L3HYPDH: variants seen among roughly 807,000 people sequenced by gnomAD.
L3HYPDH encodes the protein trans-L-3-hydroxyproline dehydratase, also known as trans-3-hydroxy-L-proline dehydratase.
A neutral mutation model predicts 26.5 loss-of-function variants in L3HYPDH; 32 were observed. That is an observed-to-expected ratio of 1.21 (90% CI 0.91 to 1.62). The LOEUF (loss-of-function observed/expected upper bound fraction) is 1.62, where lower values mean the gene tolerates loss of function less well. Ranked by LOEUF, L3HYPDH falls within the 40% of genes most tolerant of loss-of-function variation. The probability of loss-of-function intolerance (pLI) is 0.00; values close to 1 mark genes in which losing one functional copy is unlikely to be tolerated. For missense variants in L3HYPDH, 554 were observed against 476.4 expected, an observed-to-expected ratio of 1.16 and a Z score of -1.52; for synonymous variants, 215 against 196.6, an observed-to-expected ratio of 1.09 and a Z score of -0.78.
At chr14:59,494,234 A>T in the L3HYPDH span, among the ~76,000 whole-genome samples, 3 of 151,274 alleles carry the variant, frequency 2.0e-5, no homozygotes, top group African/African-American at 7.3e-5. Context: ...TAAAATTTAG[A>T]ACATGTTTAT....
At position 59,476,225 on chromosome 14, in the gene L3HYPDH, CAAA is replaced by C; in HGVS notation, c.679-14_679-12del. 1 of 1,497,988 alleles carries C rather than the reference CAAA, an allele frequency of 6.7e-7. No homozygotes were observed. The highest frequency in any genetic ancestry group is 8.9e-7 in the Non-Finnish European group (1 of 1,125,276). The allele number at this position is 1,497,988 out of a possible 1,614,324, so 92.8% of individuals were successfully genotyped here. On this transcript the variant is annotated splice_polypyrimidine_tract_variant and intron_variant, in intron 2 of 4. Coordinates refer to ENST00000247194, the MANE Select transcript of L3HYPDH (RefSeq NM_144581.2). ...ATGATTAATTTTAAACTGCAAGTAACAAAAAAAGATCACATGCAAAATAAATAT... is the reference window on the plus strand; with the variant it reads ...ATGATTAATTTTAAACTGCAAGTAACAAAAGATCACATGCAAAATAAATAT...
At chr14:59,504,734 T>C in the L3HYPDH span, 1 of 152,952 alleles carries the variant, frequency 6.5e-6, no homozygotes, top group African/African-American at 2.4e-5. Context: ...CACTTAATTG[T>C]TGTTTGGCAC....
chr14:59,490,333 A>T, the L3HYPDH span, among the ~76,000 whole-genome samples: 1 of 152,156 alleles, frequency 6.6e-6, no homozygotes, highest in African/African-American at 2.4e-5. Flanking sequence ...CCATGACCCA[A>T]ATACTTCCCA....
the L3HYPDH span, among the ~76,000 whole-genome samples, chr14:59,501,686 CTG>C: frequency 6.6e-6 from 1 of 152,132 alleles, no homozygotes; most frequent in African/African-American, 2.4e-5. Flanking sequence ...CCATATCCTT[CTG>C]TGTTTTATCA....
chr14:59,501,388 A>C, the L3HYPDH span: 5 of 620,158 alleles, frequency 8.1e-6, no homozygotes, highest in Non-Finnish European at 1.4e-5. Flanking sequence ...TGGCTGATTG[A>C]TGCCACTTGG....
At chr14:59,473,194 G>T (rs1230244568) in intron 4 of L3HYPDH, 104 bp from the exon 5 acceptor site, 1 of 1,095,524 alleles carries the variant, frequency 9.1e-7, no homozygotes, top group Middle Eastern at 2.1e-4. Context: ...AAAGGCCAAG[G>T]GTTAATCCTA....
At chr14:59,501,336 CATATG>C in the L3HYPDH span, 1 of 944,400 alleles carries the variant, frequency 1.1e-6, no homozygotes. Flanking sequence ...CAGAATAGTC[CATATG>C]ATATGATATA....
At chr14:59,477,101 C>A (rs932425376) in intron 2 of L3HYPDH, among the ~76,000 whole-genome samples, 1 of 152,156 alleles carries the variant, frequency 6.6e-6, no homozygotes, top group Non-Finnish European at 1.5e-5. Context: ...CAGATTGAAT[C>A]TTTGTTCTCC....
At chr14:59,500,625 C>A in the L3HYPDH span, among the ~76,000 whole-genome samples, 2 of 152,114 alleles carry the variant, frequency 1.3e-5, no homozygotes, top group African/African-American at 4.8e-5. Context: ...TTATAGATAA[C>A]CTTTTTCAAC....
chr14:59,465,558 C>T (rs1376328801), intron 1 of L3HYPDH, among the ~76,000 whole-genome samples: 1 of 152,192 alleles, frequency 6.6e-6, no homozygotes, highest in Non-Finnish European at 1.5e-5. Context: ...CAATGTCCGG[C>T]CAGATAAAGT....
At chr14:59,500,625 C>T in the L3HYPDH span, among the ~76,000 whole-genome samples, 1 of 152,114 alleles carries the variant, frequency 6.6e-6, no homozygotes, top group Non-Finnish European at 1.5e-5. Flanking sequence ...TTATAGATAA[C>T]CTTTTTCAAC....
Position 59,476,172 on chromosome 14 carries a change from A to G in L3HYPDH, c.721T>C (p.Tyr241His), listed in dbSNP as rs1889614913. The G allele has an allele frequency of 1.9e-6, 3 of 1,612,334 alleles. No homozygotes were observed. The East Asian group carries it at 6.7e-5, about 36-fold the overall frequency. ...HPDSEDLAFL[Y>H]GTILTDGKDA... ...TTTCCATCTGTTAATATAGTTCCAT[A>G]TAAAAAGGCAAGGTCTTCACTATCA... is the stretch of plus-strand genomic sequence containing the variant. Residue 241 changes from tyrosine to histidine, a missense_variant, in exon 3 of 5, where the codon TAT becomes CAT. Transcript: ENST00000247194.
the L3HYPDH span, among the ~76,000 whole-genome samples, chr14:59,489,894 T>G: frequency 6.6e-6 from 1 of 152,022 alleles, no homozygotes; most frequent in Admixed American, 6.6e-5. Context: ...TTCTTTCATT[T>G]TTTTTAATGT....
chr14:59,478,297 C>T (rs1287197152), intron 2 of L3HYPDH, among the ~76,000 whole-genome samples: 1 of 152,148 alleles, frequency 6.6e-6, no homozygotes, highest in East Asian at 1.9e-4. Flanking sequence ...GGTGTGGTGG[C>T]TCACACCTGT....
chr14:59,504,107 T>G, the L3HYPDH span: 7 of 1,295,442 alleles, frequency 5.4e-6, no homozygotes, highest in African/African-American at 8.8e-5. Flanking sequence ...ACCTGAGAAG[T>G]GCTCCTAATA....
the L3HYPDH span, chr14:59,504,637 A>C: frequency 6.5e-6 from 1 of 152,732 alleles, no homozygotes; most frequent in Non-Finnish European, 1.5e-5. Context: ...TTCTGTTTAT[A>C]GATTGGTTCA....
the L3HYPDH span, among the ~76,000 whole-genome samples, chr14:59,500,398 C>T: frequency 2.6e-5 from 4 of 151,992 alleles, no homozygotes; most frequent in African/African-American, 9.7e-5. Context: ...AAGTTTTTTT[C>T]TCAATTTGTC....
At chr14:59,503,458 C>T in the L3HYPDH span, among the ~76,000 whole-genome samples, 59,262 of 151,968 alleles carry the variant, frequency 0.39, 12,304 homozygotes, top group African/African-American at 0.52. Context: ...GGTTTCTGTA[C>T]CTCCTATTTC....
chr14:59,489,180 C>T (rs191757555), upstream of L3HYPDH, among the ~76,000 whole-genome samples: 2 of 128,848 alleles, frequency 1.6e-5, no homozygotes, highest in East Asian at 4.0e-4. Flanking sequence ...TTAGACTCCG[C>T]TTTCCTTTTT....
Sources: gnomAD v4.1 joint callset for allele counts (sites outside exome capture counted in the v4.1 genomes callset) on GRCh38, gnomAD v4.1.1 for gene constraint, MANE v1.5 for transcripts, NCBI Gene and HGNC (gene_info 2026-07-23, HGNC 2026-07-21) for gene names.